Variants in CDCA2 observed in about 807,000 individuals in gnomAD.
CDCA2 encodes cell division cycle associated 2, also known as cell division cycle-associated protein 2.
Under a neutral mutation model 67.0 loss-of-function variants are expected in CDCA2, and 44 were observed. The ratio of observed to expected loss-of-function variants is 0.66; its 90% CI spans 0.52 to 0.84. The LOEUF is 0.84. Among genes scored for constraint, CDCA2 ranks in the 40% least tolerant of loss-of-function variants. CDCA2 has a pLI of 0.00. For missense variants in CDCA2, 1,253 were observed against 1,203.2 expected (o/e 1.04, Z -0.61); for synonymous variants, 447 against 418.7 (o/e 1.07, Z -0.82).
At chr8:25,504,585 A>C (rs181123121) in intron 14 of CDCA2, among the ~76,000 whole-genome samples, 1 of 152,320 alleles carries the variant, frequency 6.6e-6, no homozygotes. Context: ...AATGAGGTAC[A>C]TGCCACCATT....
At position 25,488,694 on chromosome 8, in the gene CDCA2, G is replaced by T; in HGVS notation, c.1671+5G>T. 1.3e-6 allele frequency: 2 copies of T among 1,596,950 alleles called. No individual in the cohort carries two copies. The highest frequency in any genetic ancestry group is 1.7e-6 in the Non-Finnish European group (2 of 1,174,348). ...GCACTTCCTAAGAAGAGTCAGGTAAGCATGTGTTTAAAGATATAATAAAGA... is the reference window on the plus strand; with the variant it reads ...GCACTTCCTAAGAAGAGTCAGGTAATCATGTGTTTAAAGATATAATAAAGA... On this transcript the variant is annotated splice_donor_5th_base_variant and intron_variant, in intron 13 of 14. Coordinates refer to ENST00000330560, the MANE Select transcript of CDCA2 (RefSeq NM_152562.4).
chr8:25,475,552 G>A (rs1226018201), intron 7 of CDCA2, among the ~76,000 whole-genome samples: 1 of 152,144 alleles, frequency 6.6e-6, no homozygotes. Flanking sequence ...GCAACCACCA[G>A]AACTTAGTTG....
chr8:25,465,043 G>A (rs1485834597), intron 4 of CDCA2, among the ~76,000 whole-genome samples: 7 of 151,936 alleles, frequency 4.6e-5, no homozygotes, highest in South Asian at 4.1e-4. Flanking sequence ...GCATGATCTC[G>A]GCCCATTGCA....
At chr8:25,500,456 T>TA (rs1669833003) in intron 13 of CDCA2, among the ~76,000 whole-genome samples, 1 of 152,192 alleles carries the variant, frequency 6.6e-6, no homozygotes. Context: ...TGCATACATA[T>TA]ATCAAAATAT....
chr8:25,482,579 T>C (rs1050851698), intron 8 of CDCA2, among the ~76,000 whole-genome samples: 3 of 152,210 alleles, frequency 2.0e-5, no homozygotes, highest in Non-Finnish European at 4.4e-5. Flanking sequence ...TTTAAAAGTA[T>C]TCTTTTAGGT....
Position 25,503,484 on chromosome 8 carries a change from G to C in CDCA2, c.1783G>C (p.Glu595Gln), listed in dbSNP as rs144313074. The C allele has an allele frequency of 1.2e-5, 20 of 1,613,860 alleles. No homozygotes were observed. The East Asian group carries it at 3.8e-4, about 31-fold the overall frequency. The change falls in exon 14 of 15, where the codon GAG becomes CAG. Residue 595 changes from glutamate to glutamine, a missense_variant. Physicochemically the swap from Glu to Gln is conservative, Grantham distance 29. Transcript: ENST00000330560. ...SKKPLLSPIP[E>Q]LPEVPEMTPS... ...GAAGCCCCTCCTCAGTCCTATTCCC[G>C]AGCTGCCTGAAGTCCCTGAGATGAC... is the stretch of plus-strand genomic sequence containing the variant.
Position 25,466,265 on chromosome 8 carries a change from A to G in CDCA2, c.478A>G (p.Lys160Glu). 1 of 1,610,856 alleles carries G rather than the reference A, an allele frequency of 6.2e-7. No homozygotes were observed. The highest frequency in any genetic ancestry group is 8.5e-7 in the Non-Finnish European group (1 of 1,179,280). ...SAFHSIKENE[K>E]MTGCLEFSEA... ...TTTTCACTCCATAAAGGAAAACGAGAAAATGACCGGCTGTCTGGAATTCTC... is the reference window on the plus strand; with the variant it reads ...TTTTCACTCCATAAAGGAAAACGAGGAAATGACCGGCTGTCTGGAATTCTC... The change falls in exon 5 of 15, where the codon AAA (lysine) becomes GAA (glutamate). Residue 160 changes from lysine to glutamate, a missense_variant. Physicochemically the swap from Lys to Glu is moderately conservative, Grantham distance 56. Transcript: ENST00000330560.
At chr8:25,491,985 A>G (rs1386673446) in intron 13 of CDCA2, among the ~76,000 whole-genome samples, 1 of 149,682 alleles carries the variant, frequency 6.7e-6, no homozygotes, top group African/African-American at 2.5e-5. Context: ...TTTAGTAAAG[A>G]CGGGGTTTCA....
intron 1 of CDCA2, among the ~76,000 whole-genome samples, chr8:25,459,863 A>C (rs962426479): frequency 6.6e-6 from 1 of 152,192 alleles, no homozygotes; most frequent in African/African-American, 2.4e-5. Context: ...AATAGGTAGA[A>C]AAACAAAGAA....
intron 6 of CDCA2, 51 bp from the exon 7 acceptor site, chr8:25,469,845 T>A (rs781030066): frequency 2.0e-5 from 23 of 1,132,894 alleles, no homozygotes; most frequent in Non-Finnish European, 2.8e-5. Flanking sequence ...AAAAAGGCAT[T>A]AGTAGTACTC....
intron 7 of CDCA2, among the ~76,000 whole-genome samples, chr8:25,478,892 A>G (rs868542856): frequency 6.6e-5 from 9 of 135,872 alleles, no homozygotes; most frequent in African/African-American, 2.4e-4. Flanking sequence ...GTGTGTGTAT[A>G]TATATATATA....
Position 25,468,554 on chromosome 8 carries a change from T to TGTGTGTGTGTGTGTGC in CDCA2, c.735+144_735+145insTGTGTGTGTGTGCGTG, listed in dbSNP as rs140233192. 7.6e-4 allele frequency: 376 copies of TGTGTGTGTGTGTGTGC among 495,420 alleles called. 3 individuals carry two copies. In the East Asian group the frequency reaches 0.011, roughly 15 times the overall value. 30.7% of individuals were successfully genotyped at this position (495,420 alleles called of 1,614,324 possible). ...TGGGGTGTGTGTGTGTGTGTGTGTG[T>TGTGTGTGTGTGTGTGC]GTGCGTGTGTGTGTGTGTGTTTCCT... On this transcript the variant is annotated intron_variant, in intron 6 of 14. Transcript: ENST00000330560.
At chr8:25,494,882 A>G (rs971302659) in intron 13 of CDCA2, among the ~76,000 whole-genome samples, 1 of 151,734 alleles carries the variant, frequency 6.6e-6, no homozygotes, top group Admixed American at 6.6e-5. Context: ...ACGAGTGTGC[A>G]TTGAGAAATA....
At chr8:25,493,701 G>A (rs973808407) in intron 13 of CDCA2, among the ~76,000 whole-genome samples, 4 of 152,254 alleles carry the variant, frequency 2.6e-5, no homozygotes, top group South Asian at 2.1e-4. Context: ...CAGCTGTAAC[G>A]TGCATTGAGA....
chr8:25,467,116 T>C (rs999915483), intron 5 of CDCA2, among the ~76,000 whole-genome samples: 3 of 150,892 alleles, frequency 2.0e-5, no homozygotes, highest in African/African-American at 7.3e-5. Context: ...CTATATTCTT[T>C]AACTCTTAGA....
At chr8:25,492,126 C>T (rs559582558) in intron 13 of CDCA2, among the ~76,000 whole-genome samples, 11 of 131,402 alleles carry the variant, frequency 8.4e-5, no homozygotes, top group South Asian at 2.4e-4. Flanking sequence ...CTTGAAGCAG[C>T]GGGGGGTTGG....
chr8:25,468,344 T>C lies in CDCA2; in HGVS notation c.666T>C (p.Ile222=), dbSNP rs941500915. 1 of 1,613,926 alleles carries C rather than the reference T, an allele frequency of 6.2e-7. No individual in the cohort carries two copies. Among genetic ancestry groups the C allele is most frequent in the South Asian group, 1.1e-5 (1 of 91,070 alleles). ...TGACGGATGCTGAAGGAAAAGTAAT[T>C]GGTCTCCAGATATTCAATATTGATA... is the stretch of plus-strand genomic sequence containing the variant. ...ENLTDAEGKV[I]GLQIFNIDTD... is the part of the protein sequence containing the mutation. The change falls in exon 6 of 15, where the codon ATT becomes ATC. Residue 222 remains isoleucine, a synonymous_variant. Coordinates refer to ENST00000330560, the MANE Select transcript of CDCA2 (RefSeq NM_152562.4).
intron 4 of CDCA2, among the ~76,000 whole-genome samples, chr8:25,462,464 T>TA (rs1361394107): frequency 1.0e-4 from 12 of 118,412 alleles, no homozygotes; most frequent in Non-Finnish European, 1.9e-4. Flanking sequence ...CCATCTCTAC[T>TA]AAAAATACGA....
chr8:25,486,487 A>T (rs1331317098), intron 11 of CDCA2, among the ~76,000 whole-genome samples: 1 of 152,108 alleles, frequency 6.6e-6, no homozygotes, highest in Non-Finnish European at 1.5e-5. Context: ...CCTTAAACAT[A>T]TTATACCACC....
Sources: allele counts gnomAD v4.1 joint callset (sites outside exome capture counted in the v4.1 genomes callset), GRCh38; gene constraint gnomAD v4.1.1; transcripts MANE v1.5; gene names NCBI Gene and HGNC (gene_info 2026-07-23, HGNC 2026-07-21).